PRKCE: variants seen among roughly 807,000 people sequenced by gnomAD.
The protein encoded by PRKCE is protein kinase C epsilon type.
Under a neutral mutation model 85.4 loss-of-function variants are expected in PRKCE, and 16 were observed. That is an observed-to-expected ratio of 0.19 (90% confidence interval 0.13 to 0.28). The LOEUF is 0.28. PRKCE is among the 10% of genes least tolerant of loss of function. The pLI, the probability that PRKCE is intolerant of heterozygous loss-of-function variation, is 1.00. For synonymous variants in PRKCE, 388 were observed against 371.5 expected (o/e 1.04, Z -0.51); for missense variants, 573 against 975.2 (o/e 0.59, Z 5.49).
At chr2:46,114,347 A>T (rs1251655650) in intron 11 of PRKCE, among the ~76,000 whole-genome samples, 2 of 146,824 alleles carry the variant, frequency 1.4e-5, no homozygotes, top group African/African-American at 2.5e-5. Flanking sequence ...GTCTTCCCAG[A>T]GATTGGGCAT....
intron 10 of PRKCE, among the ~76,000 whole-genome samples, chr2:46,032,471 G>A (rs2104953489): frequency 6.6e-6 from 1 of 152,278 alleles, no homozygotes; most frequent in African/African-American, 2.4e-5. Flanking sequence ...CTTAATTATG[G>A]TCAGGCCACC....
chr2:45,863,844 C>T (rs980555616), intron 2 of PRKCE, among the ~76,000 whole-genome samples: 7 of 151,980 alleles, frequency 4.6e-5, no homozygotes, highest in East Asian at 1.9e-4. Flanking sequence ...CTAAGCTAGA[C>T]AGTAGGGACG....
intron 1 of PRKCE, among the ~76,000 whole-genome samples, chr2:45,803,031 A>C (rs2105201199): frequency 6.6e-6 from 1 of 152,346 alleles, no homozygotes; most frequent in East Asian, 1.9e-4. Context: ...AGGTATAGAC[A>C]CGTATTTTTT....
intron 2 of PRKCE, among the ~76,000 whole-genome samples, chr2:45,869,702 C>CTTT (rs201819838): frequency 1.9e-3 from 230 of 122,412 alleles, no homozygotes; most frequent in East Asian, 0.01. Context: ...TTGTTTCTCT[C>CTTT]TCTCTTTTTT....
chr2:45,833,753 C>A (rs1690625368), intron 1 of PRKCE, among the ~76,000 whole-genome samples: 1 of 152,186 alleles, frequency 6.6e-6, no homozygotes, highest in South Asian at 2.1e-4. Context: ...GTGATAGGGA[C>A]CATTGCAAAT....
intron 2 of PRKCE, among the ~76,000 whole-genome samples, chr2:45,899,896 C>T (rs551334564): frequency 6.6e-6 from 1 of 152,298 alleles, no homozygotes; most frequent in African/African-American, 2.4e-5. Flanking sequence ...ATATTTCTAG[C>T]ATGAAGGGGC....
intron 14 of PRKCE, among the ~76,000 whole-genome samples, chr2:46,161,362 C>T (rs1034665619): frequency 1.2e-4 from 18 of 152,318 alleles, no homozygotes; most frequent in Admixed American, 4.6e-4. Flanking sequence ...AGTTAATCAA[C>T]CCAAAGAAAA....
chr2:45,936,382 G>T (rs1251302858), intron 2 of PRKCE, among the ~76,000 whole-genome samples: 1 of 152,246 alleles, frequency 6.6e-6, no homozygotes, highest in Non-Finnish European at 1.5e-5. Flanking sequence ...AAACCTTTGG[G>T]CCAGCACCCA....
intron 14 of PRKCE, chr2:46,166,816 C>T (rs1443882200): frequency 6.6e-6 from 1 of 152,146 alleles, no homozygotes; most frequent in Non-Finnish European, 1.5e-5. Context: ...CACGGTAAAA[C>T]CCTGTCTCTA....
chr2:45,829,811 C>T (rs1050112399), intron 1 of PRKCE, among the ~76,000 whole-genome samples: 8 of 152,192 alleles, frequency 5.3e-5, no homozygotes, highest in South Asian at 2.1e-4. Flanking sequence ...CGGTGGCTCA[C>T]GCCTGTAATC....
chr2:45,684,455 T>C (rs1677136788), intron 1 of PRKCE, among the ~76,000 whole-genome samples: 2 of 152,226 alleles, frequency 1.3e-5, no homozygotes, highest in Non-Finnish European at 2.9e-5. Flanking sequence ...ATAGGAAATA[T>C]ATTCTGCCTT....
At chr2:46,108,649 T>C (rs1487439460) in intron 11 of PRKCE, among the ~76,000 whole-genome samples, 4 of 152,180 alleles carry the variant, frequency 2.6e-5, no homozygotes, top group African/African-American at 4.8e-5. Flanking sequence ...CCCATGCATA[T>C]CTACAAATAA....
chr2:46,173,150 T>C (rs557453906), intron 14 of PRKCE, among the ~76,000 whole-genome samples: 5 of 152,368 alleles, frequency 3.3e-5, no homozygotes, highest in African/African-American at 1.2e-4. Context: ...AGAATAAGAA[T>C]GGTTTCAACA....
Position 45,651,966 on chromosome 2 carries a change from A to G in PRKCE, c.-135A>G. Reference sequence around the variant, plus strand: ...GCCCGCGCCAGGGCGCAACGCCACAAGGTGTAGGGAGTGTGCGGGGTGGGG... The same window carrying G: ...GCCCGCGCCAGGGCGCAACGCCACAGGGTGTAGGGAGTGTGCGGGGTGGGG... On this transcript the variant is annotated 5_prime_UTR_variant, in exon 1 of 15. Transcript: ENST00000306156. The G allele has an allele frequency of 1.5e-6, 1 of 664,420 alleles. No individual in the cohort carries two copies. The highest frequency in any genetic ancestry group is 2.5e-6 in the Non-Finnish European group (1 of 395,426). 41.2% of individuals were successfully genotyped at this position (664,420 alleles called of 1,614,324 possible).
chr2:46,107,911 T>A (rs1294061641), intron 11 of PRKCE, among the ~76,000 whole-genome samples: 5 of 152,306 alleles, frequency 3.3e-5, no homozygotes, highest in Middle Eastern at 3.4e-3. Context: ...AGTTGTTTTC[T>A]TATTGTTGAG....
chr2:45,862,068 C>G (rs914249849), intron 2 of PRKCE, among the ~76,000 whole-genome samples: 2 of 151,974 alleles, frequency 1.3e-5, no homozygotes, highest in East Asian at 3.9e-4. Context: ...CCCCACGTAG[C>G]CTTTTAACTC....
At chr2:45,666,232 C>A (rs1028621247) in intron 1 of PRKCE, among the ~76,000 whole-genome samples, 1 of 152,108 alleles carries the variant, frequency 6.6e-6, no homozygotes, top group African/African-American at 2.4e-5. Flanking sequence ...ATGGAGACAG[C>A]TATAGGAGGG....
chr2:45,995,335 T>C (rs1400910817), intron 6 of PRKCE, among the ~76,000 whole-genome samples: 1 of 152,014 alleles, frequency 6.6e-6, no homozygotes, highest in Non-Finnish European at 1.5e-5. Flanking sequence ...AGAGCAAAAG[T>C]TTTTTATTTT....
chr2:45,672,388 A>G (rs1311229876), intron 1 of PRKCE, among the ~76,000 whole-genome samples: 1 of 151,950 alleles, frequency 6.6e-6, no homozygotes, highest in African/African-American at 2.4e-5. Context: ...ACATCCATCC[A>G]TCCATCCATC....
Sources: allele counts gnomAD v4.1 joint callset (sites outside exome capture counted in the v4.1 genomes callset), GRCh38; gene constraint gnomAD v4.1.1; transcripts MANE v1.5; gene names NCBI Gene and HGNC (gene_info 2026-07-23, HGNC 2026-07-21).